CD274: variants seen among roughly 807,000 people sequenced by gnomAD.
CD274 encodes the protein CD274 molecule, also known as programmed cell death 1 ligand 1.
Under a neutral mutation model 30.1 loss-of-function variants are expected in CD274, and 8 were observed. The ratio of observed to expected loss-of-function variants is 0.27; its 90% CI spans 0.16 to 0.48. The LOEUF (loss-of-function observed/expected upper bound fraction) is 0.48. CD274 is among the 20% of genes least tolerant of loss of function. The probability of loss-of-function intolerance (pLI) is 0.99; values close to 1 mark genes in which losing one functional copy is unlikely to be tolerated. For missense variants in CD274, 353 were observed against 346.6 expected (o/e 1.02, Z -0.15); for synonymous variants, 152 against 124.6 (o/e 1.22, Z -1.46).
chr9:5,451,412 C>T (rs544654052), intron 1 of CD274, among the ~76,000 whole-genome samples: 1 of 152,296 alleles, frequency 6.6e-6, no homozygotes, highest in South Asian at 2.1e-4. Context: ...GAACTCATTG[C>T]ATATATATCT....
intron 1 of CD274, among the ~76,000 whole-genome samples, chr9:5,453,531 A>G (rs1271933060): frequency 1.3e-5 from 2 of 152,200 alleles, no homozygotes; most frequent in Admixed American, 6.5e-5. Flanking sequence ...TACTTATGAT[A>G]TTTTAAAAAA....
At chr9:5,452,581 G>A (rs1194677776) in intron 1 of CD274, among the ~76,000 whole-genome samples, 1 of 152,210 alleles carries the variant, frequency 6.6e-6, no homozygotes, top group Non-Finnish European at 1.5e-5. Flanking sequence ...CTGATATGAG[G>A]TTTAGAGGTT....
chr9:5,452,546 GTCT>G (rs894719768), intron 1 of CD274, among the ~76,000 whole-genome samples: 1 of 152,198 alleles, frequency 6.6e-6, no homozygotes, highest in Non-Finnish European at 1.5e-5. Context: ...GAAGATGTCA[GTCT>G]TCTTCTCTTA....
Position 5,470,363 on chromosome 9 carries a change from T to A in CD274, c.*2501T>A, listed in dbSNP as rs1225175356. The A allele has an allele frequency of 4.3e-6, 1 of 232,344 alleles. No homozygotes were observed. The highest frequency in any genetic ancestry group is 5.6e-5 in the Admixed American group (1 of 17,750). 14.4% of individuals were successfully genotyped at this position (232,344 alleles called of 1,614,324 possible). A position where few individuals can be genotyped will look rare whatever the true frequency, so the allele number is the denominator to read the frequency against. ...TGTGGTGTTGGATTTGTAAGGCACT[T>A]TATCCCTTTTGTCTCATGTTTCATC... On this transcript the variant is annotated 3_prime_UTR_variant, in exon 7 of 7. Coordinates refer to ENST00000381577, the MANE Select transcript of CD274 (RefSeq NM_014143.4).
chr9:5,451,604 C>T (rs897827583), intron 1 of CD274, among the ~76,000 whole-genome samples: 3 of 152,188 alleles, frequency 2.0e-5, no homozygotes, highest in African/African-American at 7.2e-5. Context: ...TGAAGAAAAA[C>T]TTAGCCTTTC....
At position 5,462,924 on chromosome 9, in the gene CD274, A is replaced by G; in HGVS notation, c.485A>G (p.Lys162Arg). ...ELTCQAEGYP[K>R]AEVIWTSSDH... ...ACATGTCAGGCTGAGGGCTACCCCA[A>G]GGCCGAAGTCATCTGGACAAGCAGT... Residue 162 changes from lysine (K) to arginine (R), a missense_variant, in exon 4 of 7, where the codon AAG becomes AGG. Transcript: ENST00000381577. The G allele has an allele frequency of 1.9e-6, 3 of 1,614,070 alleles. No homozygotes were observed. Among genetic ancestry groups the G allele is most frequent in the Non-Finnish European group, 2.5e-6 (3 of 1,179,940 alleles).
chr9:5,464,817 A>T (rs993192778), intron 4 of CD274, among the ~76,000 whole-genome samples: 1 of 152,122 alleles, frequency 6.6e-6, no homozygotes, highest in African/African-American at 2.4e-5. Flanking sequence ...CCAGGAGCGG[A>T]GGCTCATGCC....
chr9:5,467,072 A>G (rs780960956), intron 6 of CD274, among the ~76,000 whole-genome samples: 5 of 152,128 alleles, frequency 3.3e-5, no homozygotes, highest in Non-Finnish European at 7.4e-5. Context: ...TCCTTGCAGC[A>G]GGGGACAAGG....
chr9:5,455,971 A>C, intron 1 of CD274, 129 bp from the exon 2 acceptor site: 1 of 624,726 alleles, frequency 1.6e-6, no homozygotes, highest in Non-Finnish European at 2.9e-6. Context: ...TTGGGTTTCC[A>C]CAATTACAAG....
chr9:5,452,206 G>A (rs569177348), intron 1 of CD274, among the ~76,000 whole-genome samples: 2 of 152,062 alleles, frequency 1.3e-5, no homozygotes, highest in African/African-American at 2.4e-5. Context: ...TAGTAGAAAT[G>A]GGGTTTCACC....
In CD274 at chr9:5,469,052, G is replaced by A. The variant is rs1819544077; in HGVS notation, c.*1190G>A. ...ATGATGCGAGGGGAAAACCCGAGCA[G>A]TGTTGCCAAGAGGAGGAAATAGGCC... On this transcript the variant is annotated 3_prime_UTR_variant, in exon 7 of 7. Coordinates refer to ENST00000381577, the MANE Select transcript of CD274 (RefSeq NM_014143.4). 4.3e-6 allele frequency: 1 copy of A among 233,052 alleles called. No homozygotes were observed. The highest frequency in any genetic ancestry group is 8.5e-6 in the Non-Finnish European group (1 of 117,964). The allele number at this position is 233,052 out of a possible 1,614,324, so 14.4% of individuals were successfully genotyped here. A position where few individuals can be genotyped will look rare whatever the true frequency, so the allele number is the denominator to read the frequency against.
intron 6 of CD274, 94 bp from the exon 7 acceptor site, chr9:5,467,746 T>C: frequency 1.0e-6 from 1 of 971,094 alleles, no homozygotes; most frequent in Non-Finnish European, 1.7e-6. Context: ...ATTTATCATA[T>C]CAGCAACTAT....
intron 5 of CD274, 54 bp downstream of exon 5, chr9:5,465,660 A>C: frequency 9.1e-7 from 1 of 1,096,106 alleles, no homozygotes; most frequent in African/African-American, 1.5e-5. Context: ...AGGGGTGAGA[A>C]TTGGATCATG....
At chr9:5,453,055 T>C (rs1383742462) in intron 1 of CD274, among the ~76,000 whole-genome samples, 1 of 152,012 alleles carries the variant, frequency 6.6e-6, no homozygotes, top group Non-Finnish European at 1.5e-5. Flanking sequence ...ACTGTACAGT[T>C]AACTCTGGCC....
intron 4 of CD274, among the ~76,000 whole-genome samples, chr9:5,465,204 G>C (rs1232808875): frequency 6.6e-6 from 1 of 152,054 alleles, no homozygotes; most frequent in Admixed American, 6.5e-5. Context: ...CACAAGAAAT[G>C]TATTAGCATT....
intron 1 of CD274, among the ~76,000 whole-genome samples, chr9:5,455,839 G>A (rs1466418906): frequency 6.6e-6 from 1 of 152,140 alleles, no homozygotes; most frequent in Non-Finnish European, 1.5e-5. Flanking sequence ...TGAGTGGGCA[G>A]ATTTTTTTCA....
At chr9:5,459,348 C>T (rs190730875) in intron 3 of CD274, among the ~76,000 whole-genome samples, 97 of 152,308 alleles carry the variant, frequency 6.4e-4, no homozygotes, top group African/African-American at 2.3e-3. Context: ...AAGTCTGAAC[C>T]TTCTGCACTT....
At chr9:5,462,792 G>A (rs367676862) in intron 3 of CD274, 42 bp from the exon 4 acceptor site, 15 of 1,579,678 alleles carry the variant, frequency 9.5e-6, no homozygotes, top group African/African-American at 1.4e-5. Flanking sequence ...ACGTAGTTCT[G>A]TGCTCAGCAA....
rs947146090 is a variant in CD274, at chr9:5,469,194, T to G, written c.*1332T>G. On this transcript the variant is annotated 3_prime_UTR_variant, in exon 7 of 7. Coordinates refer to ENST00000381577, the MANE Select transcript of CD274 (RefSeq NM_014143.4). ...TGAAAAATAACACTGGAATTCCTTT[T>G]CTAGCATTATATTTATTCCTGATTT... The G allele has an allele frequency of 4.3e-6, 1 of 233,090 alleles. No individual in the cohort carries two copies. Among genetic ancestry groups the G allele is most frequent in the Non-Finnish European group, 8.5e-6 (1 of 117,924 alleles). The allele number at this position is 233,090 out of a possible 1,614,324, so 14.4% of individuals were successfully genotyped here.
Sources: allele counts gnomAD v4.1 joint callset (sites outside exome capture counted in the v4.1 genomes callset), GRCh38; gene constraint gnomAD v4.1.1; transcripts MANE v1.5; gene names NCBI Gene and HGNC (gene_info 2026-07-23, HGNC 2026-07-21).